Variants in FOXP1 observed in about 807,000 individuals in gnomAD.
FOXP1 encodes the protein forkhead box protein P1.
FOXP1 carries 15 observed loss-of-function variants against 98.2 expected under a neutral mutation model. That is an observed-to-expected ratio of 0.15 (90% confidence interval 0.10 to 0.24). The LOEUF is 0.24. Ranked by LOEUF, FOXP1 falls within the 10% of genes least tolerant of loss-of-function variation. The pLI, the probability that FOXP1 is intolerant of heterozygous loss-of-function variation, is 1.00. For synonymous variants in FOXP1, 371 were observed against 314.5 expected (o/e 1.18, Z -1.90); for missense variants, 633 against 848.5 (o/e 0.75, Z 3.15).
intron 6 of FOXP1, among the ~76,000 whole-genome samples, chr3:71,170,003 C>T (rs568404140): frequency 6.6e-6 from 1 of 152,186 alleles, no homozygotes; most frequent in South Asian, 2.1e-4. Flanking sequence ...GAGATAGGCC[C>T]CATTTCCAAT....
At chr3:71,177,642 T>C (rs1011420840) in intron 6 of FOXP1, among the ~76,000 whole-genome samples, 4 of 152,130 alleles carry the variant, frequency 2.6e-5, no homozygotes, top group Non-Finnish European at 4.4e-5. Context: ...TAATTAAGTT[T>C]CTTCCTGTGT....
chr3:71,078,794 C>T (rs550565401), intron 7 of FOXP1, among the ~76,000 whole-genome samples: 2 of 152,190 alleles, frequency 1.3e-5, no homozygotes, highest in South Asian at 4.2e-4. Flanking sequence ...GAAAGACCCA[C>T]AGGAAGACTG....
chr3:71,122,549 T>C (rs954077855), intron 6 of FOXP1, among the ~76,000 whole-genome samples: 23 of 152,166 alleles, frequency 1.5e-4, no homozygotes, highest in African/African-American at 5.6e-4. Context: ...TAGGGACAAG[T>C]GCAGCATAAC....
chr3:70,994,577 C>T (rs973809859), intron 13 of FOXP1, among the ~76,000 whole-genome samples: 1 of 152,136 alleles, frequency 6.6e-6, no homozygotes, highest in Non-Finnish European at 1.5e-5. Context: ...TTAAAGGCAT[C>T]CTGGTCTTAC....
chr3:71,488,645 T>C (rs191548350), intron 3 of FOXP1, among the ~76,000 whole-genome samples: 2 of 152,376 alleles, frequency 1.3e-5, no homozygotes, highest in Admixed American at 1.3e-4. Context: ...ATTACATTAC[T>C]TGTATTGGGT....
chr3:71,384,322 G>A (rs1319815016), intron 3 of FOXP1, among the ~76,000 whole-genome samples: 10 of 152,100 alleles, frequency 6.6e-5, no homozygotes, highest in Admixed American at 5.2e-4. Context: ...AAACTTCCAC[G>A]GTCTGTGTGA....
At chr3:71,294,156 T>C (rs1390885935) in intron 5 of FOXP1, among the ~76,000 whole-genome samples, 1 of 152,204 alleles carries the variant, frequency 6.6e-6, no homozygotes, top group African/African-American at 2.4e-5. Flanking sequence ...TAGGGTTTTT[T>C]CTTAAGCGAT....
At chr3:71,554,583 A>G (rs768373514) in intron 2 of FOXP1, among the ~76,000 whole-genome samples, 1 of 152,214 alleles carries the variant, frequency 6.6e-6, no homozygotes, top group Non-Finnish European at 1.5e-5. Flanking sequence ...CTGAGTTTCT[A>G]TTTGAAACAT....
chr3:71,214,830 CT>C (rs1238625488), intron 5 of FOXP1, among the ~76,000 whole-genome samples: 1 of 152,184 alleles, frequency 6.6e-6, no homozygotes, highest in Non-Finnish European at 1.5e-5. Flanking sequence ...GAGTAGACCC[CT>C]GTGGCACCTT....
intron 3 of FOXP1, among the ~76,000 whole-genome samples, chr3:71,377,834 T>C (rs2108026875): frequency 1.3e-5 from 2 of 152,314 alleles, no homozygotes; most frequent in South Asian, 4.1e-4. Flanking sequence ...ACCCTATGAA[T>C]GCTATGCACA....
intron 7 of FOXP1, among the ~76,000 whole-genome samples, chr3:71,079,262 CCTAGGTCTCAA>C (rs2054155797): frequency 6.6e-6 from 1 of 152,198 alleles, no homozygotes; most frequent in South Asian, 2.1e-4. Context: ...CTGCCCCCCA[CCTAGGTCTCAA>C]CTGGCTCCTA....
chr3:71,232,877 C>CAGAAAAA (rs2066418671), intron 5 of FOXP1, among the ~76,000 whole-genome samples: 1 of 31,422 alleles, frequency 3.2e-5, no homozygotes, highest in African/African-American at 1.1e-4. Context: ...AACTCTGTCT[C>CAGAAAAA]AAAAAAAAAA....
At chr3:71,405,111 A>T (rs2082225764) in intron 3 of FOXP1, among the ~76,000 whole-genome samples, 1 of 152,182 alleles carries the variant, frequency 6.6e-6, no homozygotes, top group Non-Finnish European at 1.5e-5. Flanking sequence ...CTTTACGTGG[A>T]GGTCTCCCAA....
At chr3:71,083,880 A>G (rs1039816906) in intron 7 of FOXP1, among the ~76,000 whole-genome samples, 5 of 152,168 alleles carry the variant, frequency 3.3e-5, no homozygotes, top group Non-Finnish European at 7.3e-5. Flanking sequence ...GCATGGGAAA[A>G]AGTCTTGACT....
In FOXP1 at chr3:71,077,680, A is replaced by G. The variant is rs373847758; in HGVS notation, c.283-23907T>C. 2.6e-5 allele frequency among the ~76,000 whole-genome samples: 4 copies of G among 152,208 alleles called. No homozygotes were observed. In the South Asian group the frequency reaches 6.2e-4, roughly 24 times the overall value. Reference sequence around the variant, plus strand: ...GAACTAGCTCATCAAATGCCGTTGTACATAACCCTGTACATACCACTCGTC... The same window carrying G: ...GAACTAGCTCATCAAATGCCGTTGTGCATAACCCTGTACATACCACTCGTC... On this transcript the variant is annotated intron_variant, in intron 7 of 20. Coordinates refer to ENST00000649528, the MANE Select transcript of FOXP1 (RefSeq NM_001349338.3).
rs1162862570 is a variant in FOXP1 at position 71,582,505 on chromosome 3, C to A, written c.-446-808G>T. The A allele has an allele frequency of 1.0e-5, 10 of 985,436 alleles. No homozygotes were observed. In the African/African-American group the frequency reaches 1.2e-4, roughly 12 times the overall value. 61.0% of individuals were successfully genotyped at this position (985,436 alleles called of 1,614,324 possible). On this transcript the variant is annotated intron_variant, in intron 1 of 20. Transcript: ENST00000649528. ...AGGAAGGCTGCGCGCAAGCGAGGGA[C>A]GGAGAGCCATCGGCCGCCAGGACAG...
At chr3:71,038,514 G>A (rs1047579458) in intron 11 of FOXP1, among the ~76,000 whole-genome samples, 1 of 152,228 alleles carries the variant, frequency 6.6e-6, no homozygotes, top group Admixed American at 6.5e-5. Flanking sequence ...TCAGTGTACA[G>A]TGAGACCATA....
At chr3:71,582,747 G>A in intron 1 of FOXP1, 3 of 985,244 alleles carry the variant, frequency 3.0e-6, no homozygotes, top group Non-Finnish European at 3.6e-6. Flanking sequence ...GAAAGCGGAG[G>A]CCGAGCGCGC....
At chr3:71,047,924 T>C (rs923290462) in intron 9 of FOXP1, among the ~76,000 whole-genome samples, 2 of 152,228 alleles carry the variant, frequency 1.3e-5, no homozygotes, top group Non-Finnish European at 2.9e-5. Flanking sequence ...ACATCATTCC[T>C]GTGTTTAGCA....
Sources: allele counts gnomAD v4.1 joint callset (sites outside exome capture counted in the v4.1 genomes callset), GRCh38; gene constraint gnomAD v4.1.1; transcripts MANE v1.5; gene names NCBI Gene and HGNC (gene_info 2026-07-23, HGNC 2026-07-21).